STK32A: variants seen among roughly 807,000 people sequenced by gnomAD.
STK32A encodes the protein serine/threonine kinase 32A.
STK32A carries 41 observed loss-of-function variants against 53.2 expected under a neutral mutation model. The observed-to-expected ratio is 0.77, with a 90% CI of 0.60 to 1.00. The LOEUF (loss-of-function observed/expected upper bound fraction) is 1.00, where lower values mean the gene tolerates loss of function less well. STK32A is among the 50% of genes least tolerant of loss of function. The pLI is 0.00. For missense variants in STK32A, 458 were observed against 485.8 expected, an observed-to-expected ratio of 0.94 and a Z score of 0.54; for synonymous variants, 166 against 162.8, an observed-to-expected ratio of 1.02 and a Z score of -0.15.
intron 2 of STK32A, among the ~76,000 whole-genome samples, chr5:147,251,149 C>T (rs757354924): frequency 2.6e-5 from 4 of 152,028 alleles, no homozygotes; most frequent in Non-Finnish European, 5.9e-5. Flanking sequence ...AGGACTGGCT[C>T]ATCAGCATGG....
In STK32A at chr5:147,319,803, T is replaced by C. The variant is rs557702787; in HGVS notation, c.261-4095T>C. Among the ~76,000 whole-genome samples the C allele has an allele frequency of 8.5e-5, 13 of 152,298 alleles. No individual in the cohort carries two copies. The South Asian group carries it at 1.2e-3, about 15-fold the overall frequency. On this transcript the variant is annotated intron_variant, in intron 4 of 12. Transcript: ENST00000397936. ...CCTGTTCAGGGTCAGAAAAACACAATGAACTGTTCTATCATTTTAGGTTCT... is the reference window on the plus strand; with the variant it reads ...CCTGTTCAGGGTCAGAAAAACACAACGAACTGTTCTATCATTTTAGGTTCT...
intron 4 of STK32A, among the ~76,000 whole-genome samples, chr5:147,320,432 T>C (rs1754252810): frequency 9.8e-6 from 1 of 102,564 alleles, no homozygotes; most frequent in Non-Finnish European, 2.3e-5. Context: ...ACCTTGCTTC[T>C]CTCCTTTCTT....
chr5:147,363,172 G>C (rs1294609861), intron 8 of STK32A, among the ~76,000 whole-genome samples: 1 of 152,170 alleles, frequency 6.6e-6, no homozygotes, highest in East Asian at 1.9e-4. Context: ...CTGTGGGATA[G>C]AGAATCCCAT....
intron 5 of STK32A, among the ~76,000 whole-genome samples, chr5:147,334,124 A>G (rs1175981233): frequency 6.6e-6 from 1 of 152,200 alleles, no homozygotes; most frequent in Non-Finnish European, 1.5e-5. Flanking sequence ...ATTAGAAGTG[A>G]GGAGTAATTT....
At position 147,385,938 on chromosome 5, in the gene STK32A, T is replaced by C. The variant is rs1489656515; in HGVS notation, c.*1955T>C. 1 of 152,192 alleles carries C rather than the reference T, an allele frequency of 6.6e-6. No homozygotes were observed. Among genetic ancestry groups the C allele is most frequent in the Non-Finnish European group, 1.5e-5 (1 of 68,040 alleles). 9.4% of individuals were successfully genotyped at this position (152,192 alleles called of 1,614,324 possible). The stretch of plus-strand genomic sequence containing the variant: ...GACCGAAGAAACAGAGATGGCTGTC[T>C]TTTATGCAGGGCTTTTCCATAAAGA... On this transcript the variant is annotated 3_prime_UTR_variant, in exon 13 of 13. Transcript: ENST00000397936.
chr5:147,375,266 GCT>G, intron 11 of STK32A, 48 bp downstream of exon 11: 1 of 1,586,170 alleles, frequency 6.3e-7, no homozygotes, highest in Non-Finnish European at 8.5e-7. Context: ...CCCCATGATG[GCT>G]GCAATATCTT....
chr5:147,341,455 A>G (rs1234359671), intron 5 of STK32A, among the ~76,000 whole-genome samples: 1 of 152,184 alleles, frequency 6.6e-6, no homozygotes, highest in Non-Finnish European at 1.5e-5. Flanking sequence ...TGACATCATG[A>G]TCCACTTGGA....
chr5:147,279,298 A>G lies in STK32A; in HGVS notation c.160A>G (p.Met54Val). 6.2e-7 allele frequency: 1 copy of G among 1,614,032 alleles called. No individual in the cohort carries two copies. Among genetic ancestry groups the G allele is most frequent in the Non-Finnish European group, 8.5e-7 (1 of 1,179,886 alleles). ...DTKKMYAMKY[M>V]NKQKCVERNE... ...CAAGAAGATGTACGCAATGAAGTACATGAATAAACAAAAGTGCGTGGAGCG... is the reference window on the plus strand; with the variant it reads ...CAAGAAGATGTACGCAATGAAGTACGTGAATAAACAAAAGTGCGTGGAGCG... The change falls in exon 4 of 13, where the codon ATG (methionine) becomes GTG (valine). Residue 54 changes from methionine to valine, a missense_variant. By Grantham distance (21) the Met-to-Val change is conservative. Coordinates refer to ENST00000397936, the MANE Select transcript of STK32A (RefSeq NM_001112724.2).
chr5:147,328,617 ATAT>A (rs1210178937), intron 5 of STK32A, among the ~76,000 whole-genome samples: 2 of 152,146 alleles, frequency 1.3e-5, no homozygotes, highest in Non-Finnish European at 2.9e-5. Context: ...TTGAAGTATA[ATAT>A]TCTCTTTTGC....
At chr5:147,238,694 TATG>T (rs1203737319) in intron 1 of STK32A, among the ~76,000 whole-genome samples, 15 of 152,100 alleles carry the variant, frequency 9.9e-5, no homozygotes, top group African/African-American at 3.6e-4. Context: ...ATAACATACG[TATG>T]ATATAACAGA....
At chr5:147,338,186 A>G (rs993685774) in intron 5 of STK32A, among the ~76,000 whole-genome samples, 1 of 152,098 alleles carries the variant, frequency 6.6e-6, no homozygotes. Context: ...ATGCAGTAGG[A>G]GTTAATTGAG....
chr5:147,263,972 A>G (rs1396714925), intron 2 of STK32A, among the ~76,000 whole-genome samples: 3 of 152,206 alleles, frequency 2.0e-5, no homozygotes, highest in African/African-American at 7.2e-5. Flanking sequence ...AGAATCAGGC[A>G]TCAAAGTAGC....
chr5:147,250,621 A>C (rs1753945112), intron 2 of STK32A, among the ~76,000 whole-genome samples: 1 of 152,132 alleles, frequency 6.6e-6, no homozygotes, highest in Admixed American at 6.6e-5. Context: ...CCAGACTAGA[A>C]TGAGTTAGGA....
intron 4 of STK32A, among the ~76,000 whole-genome samples, chr5:147,317,333 T>TTA (rs1561715517): frequency 4.5e-5 from 6 of 131,938 alleles, no homozygotes; most frequent in African/African-American, 1.7e-4. Context: ...CTTTTTTTTT[T>TTA]TTTTTTTTTT....
chr5:147,320,881 C>G (rs1360061611), intron 4 of STK32A, among the ~76,000 whole-genome samples: 1 of 152,060 alleles, frequency 6.6e-6, no homozygotes, highest in Admixed American at 6.5e-5. Context: ...CAGGGCCAGG[C>G]CTCATAGGTT....
At chr5:147,301,980 T>C (rs1753161918) in intron 4 of STK32A, among the ~76,000 whole-genome samples, 2 of 152,208 alleles carry the variant, frequency 1.3e-5, no homozygotes, top group African/African-American at 2.4e-5. Flanking sequence ...TATTCATCTT[T>C]TAAGGCCCCT....
At chr5:147,337,645 G>A (rs904551698) in intron 5 of STK32A, among the ~76,000 whole-genome samples, 4 of 151,960 alleles carry the variant, frequency 2.6e-5, no homozygotes, top group African/African-American at 9.7e-5. Flanking sequence ...GAGTCCAGGG[G>A]CTGCTGCATT....
At chr5:147,378,881 T>TTTTTTG (rs1561758690) in intron 11 of STK32A, among the ~76,000 whole-genome samples, 1 of 126,362 alleles carries the variant, frequency 7.9e-6, no homozygotes, top group African/African-American at 2.9e-5. Context: ...TTTTTTTTTT[T>TTTTTTG]GCTTAGGATT....
chr5:147,321,947 G>C (rs565924602), intron 4 of STK32A, among the ~76,000 whole-genome samples: 2 of 152,166 alleles, frequency 1.3e-5, no homozygotes, highest in African/African-American at 2.4e-5. Flanking sequence ...AAAAGGCCTT[G>C]CTTACATCCC....
Sources: allele counts gnomAD v4.1 joint callset (sites outside exome capture counted in the v4.1 genomes callset), GRCh38; gene constraint gnomAD v4.1.1; transcripts MANE v1.5; gene names NCBI Gene and HGNC (gene_info 2026-07-23, HGNC 2026-07-21).